The following EIF5 variants were observed in gnomAD, a reference collection of about 807,000 sequenced individuals.
EIF5 encodes eukaryotic translation initiation factor 5.
In EIF5, 10 loss-of-function variants were observed where a neutral mutation model predicts 48.3. That is an observed-to-expected ratio of 0.21 (90% CI 0.13 to 0.35). The LOEUF is 0.35. Among genes scored for constraint, EIF5 ranks in the 10% least tolerant of loss-of-function variants. The pLI is 1.00. For synonymous variants in EIF5, 237 were observed against 173.1 expected (o/e 1.37, Z -2.90); for missense variants, 397 against 533.2 (o/e 0.74, Z 2.51).
chr14:103,336,455 C>CTTG, intron 4 of EIF5: 1 of 569,556 alleles, frequency 1.8e-6, no homozygotes, highest in Non-Finnish European at 3.0e-6. Context: ...GTGGCATGCG[C>CTTG]TTGTAGTCCC....
At chr14:103,337,632 A>G (rs924062689) in intron 6 of EIF5, 3 of 330,862 alleles carry the variant, frequency 9.1e-6, no homozygotes, top group Non-Finnish European at 1.7e-5. Flanking sequence ...TAGTCCTTGT[A>G]CTATATTTTA....
intron 10 of EIF5, 37 bp downstream of exon 10, chr14:103,339,840 G>GT (rs2140362046): frequency 6.3e-7 from 1 of 1,582,918 alleles, no homozygotes; most frequent in East Asian, 2.2e-5. Context: ...AAGTTCACAG[G>GT]TTTTGGGGGG....
intron 8 of EIF5, 98 bp downstream of exon 8, chr14:103,338,991 T>A: frequency 2.0e-6 from 3 of 1,510,230 alleles, no homozygotes; most frequent in Non-Finnish European, 2.7e-6. Context: ...ATTACTCTAA[T>A]GCACGACTTT....
At chr14:103,337,946 A>G (rs1269660207) in intron 6 of EIF5, 1 of 531,288 alleles carries the variant, frequency 1.9e-6, no homozygotes, top group Non-Finnish European at 3.7e-6. Flanking sequence ...CTCTCCCATG[A>G]GACAAGCCGT....
Position 103,339,730 on chromosome 14 carries a change from T to C in EIF5, c.998T>C (p.Ile333Thr). 3 of 1,614,216 alleles carry C rather than the reference T, an allele frequency of 1.9e-6. No individual in the cohort carries two copies. The highest frequency in any genetic ancestry group is 1.7e-6 in the Non-Finnish European group (2 of 1,180,032). Residue 333 changes from isoleucine (I) to threonine (T), a missense_variant, in exon 10 of 12, where the codon ATT (isoleucine) becomes ACT (threonine). Physicochemically the swap from Ile to Thr is moderately conservative, Grantham distance 89. This residue lies in a region of EIF5 where 160 missense variants were observed against 184.8 expected (regional missense o/e 0.87). Transcript: ENST00000216554. Reference sequence around the variant, plus strand: ...CATCAAGCTCAGCTTATCTCCAAGATTCCACATATCTTGAAGGAGATGTAC... The same window carrying C: ...CATCAAGCTCAGCTTATCTCCAAGACTCCACATATCTTGAAGGAGATGTAC... The part of the protein sequence containing the change: ...AMHQAQLISK[I>T]PHILKEMYDA...
chr14:103,337,680 T>A (rs963040695), intron 6 of EIF5: 1 of 363,126 alleles, frequency 2.8e-6, no homozygotes, highest in African/African-American at 2.1e-5. Context: ...TATTGTTAAT[T>A]ACCATTAAAG....
chr14:103,335,747 G>A lies in EIF5; in HGVS notation c.-114G>A. On this transcript the variant is annotated 5_prime_UTR_variant, in exon 3 of 12. Transcript: ENST00000216554. ...GTGGCGAAAATTTTTTCATGTCAGA[G>A]ACCGAGAACTCTTGCAGTCGTTTAT... 2 of 1,274,906 alleles carry A rather than the reference G, an allele frequency of 1.6e-6. No homozygotes were observed. The highest frequency in any genetic ancestry group is 2.2e-6 in the Non-Finnish European group (2 of 892,430). 79.0% of individuals were successfully genotyped at this position (1,274,906 alleles called of 1,614,324 possible). A position where few individuals can be genotyped will look rare whatever the true frequency, so the allele number is the denominator to read the frequency against.
At chr14:103,338,100 A>T in intron 6 of EIF5, 1 of 673,494 alleles carries the variant, frequency 1.5e-6, no homozygotes, top group Non-Finnish European at 2.6e-6. Context: ...CTTAGCAGTT[A>T]CAATACCCCT....
At chr14:103,338,020 A>G (rs1427370790) in intron 6 of EIF5, 2 of 567,960 alleles carry the variant, frequency 3.5e-6, no homozygotes, top group Non-Finnish European at 6.8e-6. Flanking sequence ...GACTTTGTTC[A>G]TGAGGGATGA....
At chr14:103,338,514 T>TA in intron 7 of EIF5, 42 bp downstream of exon 7, 1 of 1,543,168 alleles carries the variant, frequency 6.5e-7, no homozygotes, top group Non-Finnish European at 8.7e-7. Flanking sequence ...TAAAGTTGTG[T>TA]AAAGTATATG....
At chr14:103,335,470 CTTT>C (rs2140357920) in intron 2 of EIF5, 180 bp from the exon 3 acceptor site, 1 of 191,740 alleles carries the variant, frequency 5.2e-6, no homozygotes, top group Admixed American at 5.4e-5. Context: ...AAATGGAGGC[CTTT>C]TTATGTTCCC....
intron 6 of EIF5, chr14:103,337,761 G>C (rs376331676): frequency 1.2e-4 from 54 of 441,126 alleles, no homozygotes; most frequent in African/African-American, 1.0e-3. Flanking sequence ...ATGAAGTAAT[G>C]ACTAAAATTC....
At chr14:103,337,618 C>T (rs12887822) in intron 6 of EIF5, 39,215 of 319,638 alleles carry the variant, frequency 0.12, 2,829 homozygotes, top group East Asian at 0.29. Context: ...TATAAGGAAC[C>T]TTTTAGTCCT....
chr14:103,336,141 A>C (rs768834297), intron 4 of EIF5, 24 bp downstream of exon 4: 42 of 1,611,006 alleles, frequency 2.6e-5, no homozygotes, highest in Non-Finnish European at 3.4e-5. Context: ...GGAAAAGTCC[A>C]CAGGGCATAT....
chr14:103,336,385 A>G, intron 4 of EIF5: 1 of 568,162 alleles, frequency 1.8e-6, no homozygotes, highest in Non-Finnish European at 3.1e-6. Context: ...GTTCTAGACC[A>G]GCCTAGCCAA....
At position 103,335,831 on chromosome 14, in the gene EIF5, T is replaced by G; in HGVS notation, c.-30T>G. On this transcript the variant is annotated 5_prime_UTR_variant, in exon 3 of 12. Coordinates refer to ENST00000216554, the MANE Select transcript of EIF5 (RefSeq NM_001969.5). ...AAAGTTGCAATCAAAGATCTCTTCA[T>G]CTTATTGATAAAGCCACTAATAAGC... The G allele has an allele frequency of 6.2e-7, 1 of 1,611,858 alleles. No homozygotes were observed. The highest frequency in any genetic ancestry group is 1.1e-5 in the South Asian group (1 of 91,030).
At position 103,336,870 on chromosome 14, in the gene EIF5, C is replaced by G. The variant is rs199540700; in HGVS notation, c.327+21C>G. 4.7e-5 allele frequency: 75 copies of G among 1,598,562 alleles called. No homozygotes were observed. The South Asian group carries it at 5.0e-4, about 11-fold the overall frequency. On this transcript the variant is annotated intron_variant, in intron 5 of 11. Transcript: ENST00000216554. ...ATTTGGTAAGTGCTTTTGTGGTTGT[C>G]GAAAGAAAAAGCCATATACCTGCTT...
Position 103,339,819 on chromosome 14 carries a change from G to T in EIF5, c.1071+16G>T. 6.2e-7 allele frequency: 1 copy of T among 1,609,646 alleles called. No homozygotes were observed. Among genetic ancestry groups the T allele is most frequent in the Non-Finnish European group, 8.5e-7 (1 of 1,178,186 alleles). ...GTCGGAAAAGGTGGGGAATACATAG[G>T]TGGGCTCTTAAAGTTCACAGGTTTT... On this transcript the variant is annotated intron_variant, in intron 10 of 11. Transcript: ENST00000216554.
rs1182519504 is a variant in EIF5, at chr14:103,342,872, C to T, written c.*1820C>T. Reference sequence around the variant, plus strand: ...ATTAACTGGAATTCTGTAGGAGATACTGGTGACCTAAGCTAAGTTGCACTC... The same window carrying T: ...ATTAACTGGAATTCTGTAGGAGATATTGGTGACCTAAGCTAAGTTGCACTC... On this transcript the variant is annotated 3_prime_UTR_variant, in exon 12 of 12. Transcript: ENST00000216554. 1 of 152,582 alleles carries T rather than the reference C, an allele frequency of 6.6e-6. No individual in the cohort carries two copies. Among genetic ancestry groups the T allele is most frequent in the Non-Finnish European group, 1.5e-5 (1 of 68,034 alleles). 9.5% of individuals were successfully genotyped at this position (152,582 alleles called of 1,614,324 possible).
Sources: gnomAD v4.1 joint callset for allele counts on GRCh38, gnomAD v4.1.1 for gene constraint, gnomAD v4.1.1 regional missense constraint, MANE v1.5 for transcripts, NCBI Gene and HGNC (gene_info 2026-07-23, HGNC 2026-07-21) for gene names.